Variants in CUX1 observed in about 807,000 individuals in gnomAD.
CUX1 encodes cut like homeobox 1.
A neutral mutation model predicts 158.8 loss-of-function variants in CUX1; 31 were observed. The ratio of observed to expected loss-of-function variants is 0.20; its 90% CI spans 0.15 to 0.26. The LOEUF (loss-of-function observed/expected upper bound fraction) is 0.26, where lower values mean the gene tolerates loss of function less well. Ranked by LOEUF, CUX1 falls within the 10% of genes least tolerant of loss-of-function variation. The probability of loss-of-function intolerance (pLI) is 1.00; values close to 1 mark genes in which losing one functional copy is unlikely to be tolerated. For synonymous variants in CUX1, 879 were observed against 862.1 expected (o/e 1.02, Z -0.34); for missense variants, 1,589 against 2,014.6 (o/e 0.79, Z 4.04).
At chr7:101,907,385 G>A (rs1802876338) in intron 1 of CUX1, among the ~76,000 whole-genome samples, 1 of 151,956 alleles carries the variant, frequency 6.6e-6, no homozygotes. Flanking sequence ...GTCTCACTCT[G>A]TTTCCCAGGC....
intron 6 of CUX1, among the ~76,000 whole-genome samples, chr7:102,105,484 C>G (rs966250437): frequency 2.8e-5 from 4 of 141,736 alleles, no homozygotes; most frequent in African/African-American, 1.0e-4. Context: ...ATTGAGCTTA[C>G]GGATCCCAAC....
chr7:102,124,591 G>T (rs566007377), intron 8 of CUX1, among the ~76,000 whole-genome samples: 1 of 152,110 alleles, frequency 6.6e-6, no homozygotes, highest in African/African-American at 2.4e-5. Flanking sequence ...ACAGAAAGAC[G>T]AATACCACAA....
chr7:102,197,351 G>C, intron 15 of CUX1, 46 bp downstream of exon 15: 1 of 1,585,254 alleles, frequency 6.3e-7, no homozygotes, highest in Non-Finnish European at 8.6e-7. Flanking sequence ...GCCCGTCACA[G>C]AGTTGCACAT....
At chr7:101,898,817 C>T (rs1291991649) in intron 1 of CUX1, among the ~76,000 whole-genome samples, 1 of 152,230 alleles carries the variant, frequency 6.6e-6, no homozygotes, top group East Asian at 1.9e-4. Flanking sequence ...TCTCGAACTC[C>T]TGACCACAGG....
At chr7:102,216,687 C>CCA (rs61358188) in intron 20 of CUX1, among the ~76,000 whole-genome samples, 101,141 of 113,590 alleles carry the variant, frequency 0.89, 45,210 homozygotes, top group East Asian at 0.97. Context: ...ACACACTCCC[C>CCA]CACACACACT....
At chr7:101,899,262 C>G (rs1043162016) in intron 1 of CUX1, among the ~76,000 whole-genome samples, 1 of 152,136 alleles carries the variant, frequency 6.6e-6, no homozygotes, top group Admixed American at 6.5e-5. Flanking sequence ...CAAGAAATCA[C>G]AGGAGGCTGG....
chr7:102,123,094 G>A (rs1398229359), intron 8 of CUX1, among the ~76,000 whole-genome samples: 1 of 152,074 alleles, frequency 6.6e-6, no homozygotes, highest in African/African-American at 2.4e-5. Context: ...AGCTGGGTGT[G>A]GTGGCGCATG....
At chr7:101,898,741 C>A (rs1801821739) in intron 1 of CUX1, among the ~76,000 whole-genome samples, 1 of 152,098 alleles carries the variant, frequency 6.6e-6, no homozygotes. Context: ...CAGGCACGCA[C>A]CACCACACCT....
At chr7:101,836,780 G>T (rs777762787) in intron 1 of CUX1, among the ~76,000 whole-genome samples, 3 of 151,658 alleles carry the variant, frequency 2.0e-5, no homozygotes, top group African/African-American at 4.9e-5. Flanking sequence ...GGGAGTGCCC[G>T]TTGTCTGCCT....
Position 102,174,709 on chromosome 7 carries a change from G to C in CUX1, c.829-3760G>C, listed in dbSNP as rs2131730980. 1.3e-5 allele frequency among the ~76,000 whole-genome samples: 2 copies of C among 152,320 alleles called. 1 individual carries two copies. The highest frequency in any genetic ancestry group is 4.1e-4 in the South Asian group (2 of 4,830). On this transcript the variant is annotated intron_variant, in intron 10 of 23. Coordinates refer to ENST00000292535, the MANE Select transcript of CUX1 (RefSeq NM_181552.4). Reference sequence around the variant, plus strand: ...ACCCATAATCCCAGCACTTTGGGAGGCCAAGGCAGGCGGATCACAAGGTCA... The same window carrying C: ...ACCCATAATCCCAGCACTTTGGGAGCCCAAGGCAGGCGGATCACAAGGTCA...
At chr7:101,885,972 G>C (rs1200496310) in intron 1 of CUX1, among the ~76,000 whole-genome samples, 1 of 152,144 alleles carries the variant, frequency 6.6e-6, no homozygotes, top group Non-Finnish European at 1.5e-5. Context: ...TCAGTGACTG[G>C]CCCCCATGAG....
chr7:101,926,519 C>G (rs543450547), intron 2 of CUX1, among the ~76,000 whole-genome samples: 11 of 152,206 alleles, frequency 7.2e-5, no homozygotes, highest in Middle Eastern at 3.4e-3. Context: ...ACATTGAATG[C>G]TAGTCAAGCC....
rs530782178 is a variant in CUX1 at position 102,043,989 on chromosome 7, C to G, written c.189+15844C>G. On this transcript the variant is annotated intron_variant, in intron 3 of 23. Transcript: ENST00000292535. ...ATATACCTGTCAGCCGTTTGCATGTCTTTTTTTAGAGAGAGACAGGGTCTC... is the reference window on the plus strand; with the variant it reads ...ATATACCTGTCAGCCGTTTGCATGTGTTTTTTTAGAGAGAGACAGGGTCTC... Among the ~76,000 whole-genome samples, 15 of 152,104 alleles carry G rather than the reference C, an allele frequency of 9.9e-5. No individual in the cohort carries two copies. In the East Asian group the frequency reaches 2.7e-3, roughly 28 times the overall value.
intron 14 of CUX1, among the ~76,000 whole-genome samples, chr7:102,266,818 G>A (rs1180183746): frequency 6.6e-6 from 1 of 152,184 alleles, no homozygotes; most frequent in African/African-American, 2.4e-5. Flanking sequence ...GTCAGCGTGA[G>A]GGGTGGCAGA....
intron 2 of CUX1, among the ~76,000 whole-genome samples, chr7:101,994,125 T>C (rs1479819917): frequency 6.6e-6 from 1 of 152,062 alleles, no homozygotes; most frequent in African/African-American, 2.4e-5. Flanking sequence ...TCCATCTCCC[T>C]CCCCTCATCC....
intron 2 of CUX1, among the ~76,000 whole-genome samples, chr7:101,935,165 C>T (rs1463928692): frequency 6.6e-6 from 1 of 152,126 alleles, no homozygotes; most frequent in African/African-American, 2.4e-5. Context: ...TAACTGATGA[C>T]ATTATCTTGT....
intron 2 of CUX1, among the ~76,000 whole-genome samples, chr7:101,990,124 A>G (rs928081179): frequency 1.3e-5 from 2 of 152,158 alleles, no homozygotes. Context: ...CTTGAGAGGC[A>G]GAGGCAAGAT....
intron 8 of CUX1, among the ~76,000 whole-genome samples, chr7:102,125,266 T>C (rs201512): frequency 0.21 from 31,750 of 152,082 alleles, 3,469 homozygotes; most frequent in Middle Eastern, 0.3. Context: ...GCCTGCCCAA[T>C]GAGGACGTTT....
Position 102,257,881 on chromosome 7 carries a change from G to GAA in CUX1, c.*8849_*8850dup. The GAA allele has an allele frequency of 2.8e-6, 2 of 711,622 alleles. No individual in the cohort carries two copies. Among genetic ancestry groups the GAA allele is most frequent in the Non-Finnish European group, 3.4e-6 (2 of 588,698 alleles). 44.1% of individuals were successfully genotyped at this position (711,622 alleles called of 1,614,324 possible). A position where few individuals can be genotyped will look rare whatever the true frequency, so the allele number is the denominator to read the frequency against. On this transcript the variant is annotated 3_prime_UTR_variant, in exon 24 of 24. Transcript: ENST00000292535. ...CCCAATTGACCAAAAAAGAAAAAAG[G>GAA]AAAAAAAAAAAGTCGTCTTTTTTTT...
Sources: gnomAD v4.1 joint callset for allele counts (sites outside exome capture counted in the v4.1 genomes callset) on GRCh38, gnomAD v4.1.1 for gene constraint, MANE v1.5 for transcripts, NCBI Gene and HGNC (gene_info 2026-07-23, HGNC 2026-07-21) for gene names.